Variants in SSBP2 observed in about 807,000 individuals in gnomAD.
SSBP2 encodes the protein single stranded DNA binding protein 2.
A neutral mutation model predicts 61.8 loss-of-function variants in SSBP2; 17 were observed. The ratio of observed to expected loss-of-function variants is 0.28; its 90% CI spans 0.19 to 0.41. The LOEUF (loss-of-function observed/expected upper bound fraction) is 0.41, where lower values mean the gene tolerates loss of function less well. Among genes scored for constraint, SSBP2 ranks in the 10% least tolerant of loss-of-function variants. The pLI is 1.00. For missense variants in SSBP2, 310 were observed against 458.7 expected (o/e 0.68, Z 2.96); for synonymous variants, 139 against 141.3 (o/e 0.98, Z 0.12).
chr5:81,596,251 G>C (rs1743736123), intron 4 of SSBP2, among the ~76,000 whole-genome samples: 1 of 151,236 alleles, frequency 6.6e-6, no homozygotes, highest in Non-Finnish European at 1.5e-5. Flanking sequence ...GCTTCAAAGA[G>C]AATAAAATAC....
intron 3 of SSBP2, among the ~76,000 whole-genome samples, chr5:81,623,707 G>A (rs980404141): frequency 9.9e-5 from 15 of 152,006 alleles, no homozygotes; most frequent in East Asian, 3.9e-4. Flanking sequence ...TATTGTTGGC[G>A]TATGCCCTAA....
chr5:81,424,356 G>A (rs1261019225), intron 16 of SSBP2, among the ~76,000 whole-genome samples: 5 of 152,062 alleles, frequency 3.3e-5, no homozygotes, highest in East Asian at 1.9e-4. Flanking sequence ...CCCAGGAGGC[G>A]GAGGTTGCAG....
chr5:81,472,103 T>C (rs547222096), intron 8 of SSBP2, among the ~76,000 whole-genome samples: 3 of 152,304 alleles, frequency 2.0e-5, no homozygotes, highest in South Asian at 4.1e-4. Context: ...CTGCTCATAA[T>C]GCTGTTTCTT....
intron 8 of SSBP2, among the ~76,000 whole-genome samples, chr5:81,472,283 G>T (rs1405348662): frequency 6.6e-6 from 1 of 152,150 alleles, no homozygotes; most frequent in Admixed American, 6.6e-5. Context: ...GACAAAGGAT[G>T]TTTTAGCTAA....
intron 1 of SSBP2, among the ~76,000 whole-genome samples, chr5:81,709,303 T>C (rs988253636): frequency 1.3e-5 from 2 of 151,944 alleles, no homozygotes; most frequent in African/African-American, 4.8e-5. Context: ...GAAGCCAATA[T>C]ATAACCCACT....
intron 4 of SSBP2, among the ~76,000 whole-genome samples, chr5:81,596,883 A>C (rs1388239139): frequency 3.3e-5 from 5 of 149,606 alleles, no homozygotes; most frequent in Non-Finnish European, 7.4e-5. Context: ...AACCATAAAA[A>C]CCCTAGAAGA....
chr5:81,477,010 GTGTA>G (rs1454185799), intron 6 of SSBP2, among the ~76,000 whole-genome samples: 1 of 152,058 alleles, frequency 6.6e-6, no homozygotes, highest in Non-Finnish European at 1.5e-5. Context: ...GTGTGTGTGT[GTGTA>G]TGTGTGTTGT....
intron 4 of SSBP2, among the ~76,000 whole-genome samples, chr5:81,607,104 G>A (rs1744957778): frequency 6.6e-6 from 1 of 152,054 alleles, no homozygotes; most frequent in Admixed American, 6.6e-5. Flanking sequence ...TTTCCTTTAT[G>A]TATTTGGGCT....
intron 1 of SSBP2, among the ~76,000 whole-genome samples, chr5:81,749,715 T>C (rs1490309228): frequency 6.6e-6 from 1 of 151,892 alleles, no homozygotes; most frequent in African/African-American, 2.4e-5. Context: ...TCACTATTCG[T>C]TCTCATTTTT....
At chr5:81,474,823 A>T (rs1765480901) in intron 6 of SSBP2, among the ~76,000 whole-genome samples, 1 of 152,164 alleles carries the variant, frequency 6.6e-6, no homozygotes, top group Non-Finnish European at 1.5e-5. Flanking sequence ...GATCTACGCA[A>T]AAACTGTCCT....
At chr5:81,663,791 G>T (rs150028085) in intron 1 of SSBP2, among the ~76,000 whole-genome samples, 1 of 152,082 alleles carries the variant, frequency 6.6e-6, no homozygotes, top group African/African-American at 2.4e-5. Context: ...GAAAGTGTAG[G>T]GTTGAAACTG....
chr5:81,750,087 G>C (rs1340287319), intron 1 of SSBP2, among the ~76,000 whole-genome samples: 4 of 150,888 alleles, frequency 2.7e-5, no homozygotes, highest in Admixed American at 2.0e-4. Flanking sequence ...CAAAAAGTTC[G>C]CCAGCCGCCG....
At chr5:81,683,662 C>T (rs1455141008) in intron 1 of SSBP2, among the ~76,000 whole-genome samples, 1 of 152,008 alleles carries the variant, frequency 6.6e-6, no homozygotes, top group Non-Finnish European at 1.5e-5. Flanking sequence ...GTGTGAAAGG[C>T]ACTGTCAAGA....
intron 1 of SSBP2, among the ~76,000 whole-genome samples, chr5:81,666,033 T>C (rs1250722997): frequency 6.6e-6 from 1 of 152,224 alleles, no homozygotes. Context: ...CCTGATCAAA[T>C]GTTCAAAGCG....
intron 6 of SSBP2, among the ~76,000 whole-genome samples, chr5:81,487,653 A>C (rs1290942176): frequency 6.6e-6 from 1 of 151,948 alleles, no homozygotes; most frequent in African/African-American, 2.4e-5. Flanking sequence ...GATTCTATAT[A>C]TTTAAGTTGT....
intron 1 of SSBP2, among the ~76,000 whole-genome samples, chr5:81,723,966 C>T (rs568052082): frequency 2.0e-5 from 3 of 151,986 alleles, no homozygotes; most frequent in Non-Finnish European, 4.4e-5. Context: ...GCTACCACTA[C>T]AATTTCTATC....
chr5:81,751,056 G>T lies in SSBP2; in HGVS notation c.-14C>A. On this transcript the variant is annotated 5_prime_UTR_variant, in exon 1 of 17. Transcript: ENST00000320672. ...TTTGCCGTACATGCTTGTGCCGAGA[G>T]CAGCTCCCACTGTCACGCACCTGTC... The T allele has an allele frequency of 6.3e-7, 1 of 1,585,236 alleles. No individual in the cohort carries two copies. Among genetic ancestry groups the T allele is most frequent in the African/African-American group, 1.3e-5 (1 of 74,304 alleles).
At chr5:81,639,000 T>C (rs1403823860) in intron 2 of SSBP2, among the ~76,000 whole-genome samples, 3 of 152,180 alleles carry the variant, frequency 2.0e-5, no homozygotes, top group Non-Finnish European at 4.4e-5. Flanking sequence ...TTTCTTTCTT[T>C]CTGTTTCTTT....
At position 81,545,770 on chromosome 5, in the gene SSBP2, T is replaced by C. The variant is rs185305755; in HGVS notation, c.283-32053A>G. On this transcript the variant is annotated intron_variant, in intron 4 of 16. Coordinates refer to ENST00000320672, the MANE Select transcript of SSBP2 (RefSeq NM_012446.5). Reference sequence around the variant, plus strand: ...AAATTAAAAGGGAAAACTGTGTTAATAAACAGTCTTTAATTCTGATACCAC... The same window carrying C: ...AAATTAAAAGGGAAAACTGTGTTAACAAACAGTCTTTAATTCTGATACCAC... Among the ~76,000 whole-genome samples, 472 of 152,324 alleles carry C rather than the reference T, an allele frequency of 3.1e-3. 10 individuals carry two copies. The highest frequency in any genetic ancestry group is 0.025 in the Admixed American group (389 of 15,304).
Sources: allele counts gnomAD v4.1 joint callset (sites outside exome capture counted in the v4.1 genomes callset), GRCh38; gene constraint gnomAD v4.1.1; transcripts MANE v1.5; gene names NCBI Gene and HGNC (gene_info 2026-07-23, HGNC 2026-07-21).